SUGCT: variants seen among roughly 807,000 people sequenced by gnomAD.
SUGCT encodes succinyl-CoA:glutarate-CoA transferase, also known as succinyl-CoA:glutarate CoA-transferase.
A neutral mutation model predicts 55.0 loss-of-function variants in SUGCT; 41 were observed. The ratio of observed to expected loss-of-function variants is 0.74; its 90% CI spans 0.58 to 0.97. SUGCT has a LOEUF of 0.97. Ranked by LOEUF, SUGCT falls within the 50% of genes least tolerant of loss-of-function variation. SUGCT has a pLI of 0.00. For synonymous variants in SUGCT, 187 were observed against 200.4 expected (o/e 0.93, Z 0.56); for missense variants, 568 against 547.8 (o/e 1.04, Z -0.37).
At chr7:40,247,013 T>C (rs1789929561) in intron 7 of SUGCT, among the ~76,000 whole-genome samples, 1 of 152,254 alleles carries the variant, frequency 6.6e-6, no homozygotes, top group South Asian at 2.1e-4. Context: ...TTGCTATTGA[T>C]CAACATTTGA....
At chr7:40,679,285 T>C (rs1239897491) in intron 12 of SUGCT, among the ~76,000 whole-genome samples, 2 of 152,206 alleles carry the variant, frequency 1.3e-5, no homozygotes, top group East Asian at 3.8e-4. Flanking sequence ...AGCTATCTTG[T>C]GAAAACTGTA....
At chr7:40,790,621 A>G (rs1234672035) in intron 13 of SUGCT, among the ~76,000 whole-genome samples, 1 of 152,264 alleles carries the variant, frequency 6.6e-6, no homozygotes, top group African/African-American at 2.4e-5. Flanking sequence ...TTTGCAGACA[A>G]ATAACATTAA....
At chr7:40,181,606 C>G (rs1300648097) in intron 2 of SUGCT, among the ~76,000 whole-genome samples, 1 of 151,964 alleles carries the variant, frequency 6.6e-6, no homozygotes, top group Non-Finnish European at 1.5e-5. Context: ...ATTAGCCAGG[C>G]GTGGTGGTGG....
the SUGCT span, among the ~76,000 whole-genome samples, chr7:40,989,147 T>C: frequency 1.3e-4 from 20 of 152,212 alleles, no homozygotes; most frequent in Admixed American, 1.3e-4. Flanking sequence ...CTTCAGCACA[T>C]TGTAACCTGT....
At chr7:40,592,675 G>A (rs2151736756) in intron 12 of SUGCT, among the ~76,000 whole-genome samples, 1 of 152,280 alleles carries the variant, frequency 6.6e-6, no homozygotes, top group Non-Finnish European at 1.5e-5. Context: ...TTCTGCTGAG[G>A]AGGTGCTTAC....
intron 9 of SUGCT, among the ~76,000 whole-genome samples, chr7:40,400,312 A>G (rs1354110600): frequency 6.6e-6 from 1 of 152,144 alleles, no homozygotes; most frequent in East Asian, 1.9e-4. Context: ...GTTTATTTGG[A>G]TTATGGTTCT....
chr7:40,247,535 G>T (rs1005946804), intron 7 of SUGCT, among the ~76,000 whole-genome samples: 12 of 152,174 alleles, frequency 7.9e-5, no homozygotes, highest in African/African-American at 2.9e-4. Flanking sequence ...TGGGATTACA[G>T]GTGTGAGTCA....
chr7:40,214,115 G>T (rs1392723936), intron 6 of SUGCT, among the ~76,000 whole-genome samples: 1 of 152,166 alleles, frequency 6.6e-6, no homozygotes, highest in African/African-American at 2.4e-5. Context: ...GCTAAGCTAT[G>T]TACTCTCTCC....
intron 6 of SUGCT, among the ~76,000 whole-genome samples, chr7:40,215,787 G>A (rs1181257923): frequency 4.6e-5 from 7 of 151,792 alleles, no homozygotes; most frequent in South Asian, 2.1e-4. Context: ...GTGTGAACCC[G>A]GGAGGCGGAG....
the SUGCT span, among the ~76,000 whole-genome samples, chr7:40,948,978 G>A: frequency 6.6e-6 from 1 of 152,186 alleles, no homozygotes; most frequent in Admixed American, 6.5e-5. Context: ...CCAGTAATGG[G>A]ATGGCTGGGT....
chr7:41,031,993 CAATGAATG>C, the SUGCT span, among the ~76,000 whole-genome samples: 67 of 151,360 alleles, frequency 4.4e-4, no homozygotes, highest in African/African-American at 6.1e-4. Context: ...AGTAGGGTCT[CAATGAATG>C]AATGAATGAA....
chr7:40,816,068 C>T (rs1450945615), intron 13 of SUGCT, among the ~76,000 whole-genome samples: 1 of 152,214 alleles, frequency 6.6e-6, no homozygotes, highest in Non-Finnish European at 1.5e-5. Context: ...TCTCACTGCC[C>T]AAGAGAAACT....
At chr7:40,950,491 C>A in the SUGCT span, among the ~76,000 whole-genome samples, 32 of 152,118 alleles carry the variant, frequency 2.1e-4, no homozygotes, top group Admixed American at 1.1e-3. Context: ...TTCCAACACT[C>A]TGTTGAATAG....
intron 9 of SUGCT, among the ~76,000 whole-genome samples, chr7:40,325,823 C>A (rs1395181253): frequency 6.6e-5 from 10 of 151,240 alleles, no homozygotes; most frequent in African/African-American, 2.4e-4. Flanking sequence ...ACAAAACAAA[C>A]AACAACAACA....
the SUGCT span, among the ~76,000 whole-genome samples, chr7:41,028,080 G>A: frequency 1.3e-5 from 2 of 152,200 alleles, no homozygotes; most frequent in Admixed American, 6.5e-5. Flanking sequence ...GAAGTCCTTG[G>A]TGGGTGCTAA....
At chr7:40,226,622 T>C (rs1259566853) in intron 6 of SUGCT, among the ~76,000 whole-genome samples, 1 of 151,216 alleles carries the variant, frequency 6.6e-6, no homozygotes, top group Non-Finnish European at 1.5e-5. Flanking sequence ...GTATCCAAAG[T>C]GGAAAACTGA....
intron 11 of SUGCT, among the ~76,000 whole-genome samples, chr7:40,475,215 C>G (rs1790597998): frequency 6.6e-6 from 1 of 152,196 alleles, no homozygotes; most frequent in African/African-American, 2.4e-5. Context: ...ATTGCTGTCT[C>G]TGCTAGCTTC....
At chr7:40,563,385 G>T (rs1405923752) in intron 12 of SUGCT, among the ~76,000 whole-genome samples, 1 of 152,098 alleles carries the variant, frequency 6.6e-6, no homozygotes, top group African/African-American at 2.4e-5. Context: ...GGTTTACGTG[G>T]TTGCCTTCTA....
intron 12 of SUGCT, among the ~76,000 whole-genome samples, chr7:40,506,392 G>A (rs1562824490): frequency 6.6e-6 from 1 of 151,916 alleles, no homozygotes; most frequent in South Asian, 2.1e-4. Context: ...TGAGTGTAAT[G>A]TATCATTTTT....
Sources: allele counts gnomAD v4.1 joint callset (sites outside exome capture counted in the v4.1 genomes callset), GRCh38; gene constraint gnomAD v4.1.1; transcripts MANE v1.5; gene names NCBI Gene and HGNC (gene_info 2026-07-23, HGNC 2026-07-21).